NCKAP5: variants seen among roughly 807,000 people sequenced by gnomAD.
NCKAP5 encodes the protein nck-associated protein 5.
A neutral mutation model predicts 167.0 loss-of-function variants in NCKAP5; 92 were observed. That is an observed-to-expected ratio of 0.55 (90% CI 0.47 to 0.66). The LOEUF is 0.66. Among genes scored for constraint, NCKAP5 ranks in the 30% least tolerant of loss-of-function variants. NCKAP5 has a pLI of 0.00. For missense variants in NCKAP5, 2,378 were observed against 2,315.0 expected (o/e 1.03, Z -0.56); for synonymous variants, 891 against 877.4 (o/e 1.02, Z -0.27).
chr2:132,731,505 T>C (rs1691001196), intron 17 of NCKAP5, among the ~76,000 whole-genome samples: 1 of 152,230 alleles, frequency 6.6e-6, no homozygotes, highest in Non-Finnish European at 1.5e-5. Flanking sequence ...TATATCCATA[T>C]ACCAGTATTT....
chr2:133,449,077 C>T (rs1691390710), intron 3 of NCKAP5, among the ~76,000 whole-genome samples: 1 of 152,168 alleles, frequency 6.6e-6, no homozygotes, highest in Admixed American at 6.5e-5. Flanking sequence ...GTATATTCCC[C>T]CATAATGGCA....
intron 8 of NCKAP5, among the ~76,000 whole-genome samples, chr2:132,884,173 C>G (rs1692023722): frequency 6.6e-6 from 1 of 152,216 alleles, no homozygotes; most frequent in Non-Finnish European, 1.5e-5. Flanking sequence ...AGGTGGGATC[C>G]TGCCACGTTC....
intron 5 of NCKAP5, among the ~76,000 whole-genome samples, chr2:133,158,257 G>A (rs565636941): frequency 1.3e-5 from 2 of 152,204 alleles, no homozygotes; most frequent in African/African-American, 2.4e-5. Flanking sequence ...TTGATTGGAT[G>A]CAGCTGCAGA....
chr2:133,266,888 G>A (rs923602092), intron 4 of NCKAP5, among the ~76,000 whole-genome samples: 1 of 152,132 alleles, frequency 6.6e-6, no homozygotes, highest in Non-Finnish European at 1.5e-5. Context: ...CGGGCGGCTC[G>A]GCTTGCGCTC....
chr2:132,787,828 A>G (rs1683714411), intron 13 of NCKAP5, among the ~76,000 whole-genome samples: 1 of 152,200 alleles, frequency 6.6e-6, no homozygotes, highest in African/African-American at 2.4e-5. Context: ...TGATCCTGAT[A>G]GTCATGTTGA....
chr2:133,108,798 G>A (rs1238716716), intron 6 of NCKAP5, among the ~76,000 whole-genome samples: 2 of 152,164 alleles, frequency 1.3e-5, no homozygotes, highest in Non-Finnish European at 2.9e-5. Flanking sequence ...ATGTCTTTCT[G>A]TGTCTGGATT....
At chr2:133,537,399 A>T (rs1469424640) in intron 2 of NCKAP5, among the ~76,000 whole-genome samples, 2 of 152,130 alleles carry the variant, frequency 1.3e-5, no homozygotes, top group Non-Finnish European at 2.9e-5. Context: ...GAGTAGTGCC[A>T]TCTTAACAAT....
At chr2:133,340,861 C>A (rs1175352352) in intron 3 of NCKAP5, among the ~76,000 whole-genome samples, 1 of 152,130 alleles carries the variant, frequency 6.6e-6, no homozygotes, top group Non-Finnish European at 1.5e-5. Context: ...GCTTATTGCA[C>A]CTGTGTTTTC....
chr2:132,754,008 A>G (rs961281777), intron 16 of NCKAP5, among the ~76,000 whole-genome samples: 3 of 152,240 alleles, frequency 2.0e-5, no homozygotes, highest in Admixed American at 2.0e-4. Flanking sequence ...TCTATACTCC[A>G]GCATTTCCCA....
rs185407902 is a variant in NCKAP5 at position 133,491,309 on chromosome 2, C to G, written c.69+26149G>C. 2.0e-5 allele frequency among the ~76,000 whole-genome samples: 3 copies of G among 152,264 alleles called. No individual in the cohort carries two copies. The East Asian group carries it at 5.8e-4, about 29-fold the overall frequency. Reference sequence around the variant, plus strand: ...TGACCATTGTTCTGAATCCAACTATCACAGGAAGTGGGGTTCTTGATGGCC... The same window carrying G: ...TGACCATTGTTCTGAATCCAACTATGACAGGAAGTGGGGTTCTTGATGGCC... On this transcript the variant is annotated intron_variant, in intron 3 of 19. Coordinates refer to ENST00000409261, the MANE Select transcript of NCKAP5 (RefSeq NM_207363.3).
chr2:132,821,830 A>G (rs890948174), intron 11 of NCKAP5, among the ~76,000 whole-genome samples: 5 of 152,034 alleles, frequency 3.3e-5, no homozygotes, highest in African/African-American at 1.2e-4. Context: ...TGGCCTGAGA[A>G]TCACTCCCCC....
intron 3 of NCKAP5, among the ~76,000 whole-genome samples, chr2:133,478,544 G>T (rs373198190): frequency 1.3e-5 from 2 of 152,108 alleles, no homozygotes; most frequent in African/African-American, 4.8e-5. Flanking sequence ...AGGGCTGTGG[G>T]TAAAGATCGA....
intron 2 of NCKAP5, among the ~76,000 whole-genome samples, chr2:133,545,747 T>C (rs905599328): frequency 2.0e-5 from 3 of 152,132 alleles, no homozygotes; most frequent in Non-Finnish European, 4.4e-5. Context: ...TACAAGAAGA[T>C]AGCATAGAAG....
At chr2:133,468,529 G>T (rs865898171) in intron 3 of NCKAP5, among the ~76,000 whole-genome samples, 1 of 151,990 alleles carries the variant, frequency 6.6e-6, no homozygotes, top group African/African-American at 2.4e-5. Context: ...TATTAGGTCC[G>T]CTTGGTGCGG....
intron 4 of NCKAP5, among the ~76,000 whole-genome samples, chr2:133,260,776 G>A (rs1244231846): frequency 6.6e-6 from 1 of 152,176 alleles, no homozygotes; most frequent in Non-Finnish European, 1.5e-5. Context: ...AACAGTCTGG[G>A]AGAAGGCAAG....
chr2:132,904,582 G>T (rs747849900), intron 8 of NCKAP5, among the ~76,000 whole-genome samples: 9 of 152,062 alleles, frequency 5.9e-5, no homozygotes, highest in Non-Finnish European at 1.2e-4. Context: ...TAGTACATAG[G>T]ATTACTTTGC....
the NCKAP5 span, among the ~76,000 whole-genome samples, chr2:133,615,417 G>A: frequency 6.6e-6 from 1 of 152,000 alleles, no homozygotes; most frequent in South Asian, 2.1e-4. Context: ...CTCATGTGCA[G>A]AGACACACAT....
intron 3 of NCKAP5, among the ~76,000 whole-genome samples, chr2:133,387,174 T>C (rs1258285518): frequency 6.6e-6 from 1 of 152,202 alleles, no homozygotes; most frequent in African/African-American, 2.4e-5. Flanking sequence ...GTTTTTGCAG[T>C]GGCTGGTACT....
chr2:133,389,613 A>G (rs1687253832), intron 3 of NCKAP5, among the ~76,000 whole-genome samples: 1 of 152,238 alleles, frequency 6.6e-6, no homozygotes. Flanking sequence ...AAAGCTGATA[A>G]TTAACTGTAC....
Sources: gnomAD v4.1 joint callset for allele counts (sites outside exome capture counted in the v4.1 genomes callset) on GRCh38, gnomAD v4.1.1 for gene constraint, MANE v1.5 for transcripts, NCBI Gene and HGNC (gene_info 2026-07-23, HGNC 2026-07-21) for gene names.